The following DOCK4 variants were observed in gnomAD, a reference collection of about 807,000 sequenced individuals.
The protein encoded by DOCK4 is dedicator of cytokinesis 4.
Under a neutral mutation model 268.1 loss-of-function variants are expected in DOCK4, and 97 were observed. That is an observed-to-expected ratio of 0.36 (90% confidence interval 0.31 to 0.43). DOCK4 has a LOEUF of 0.43. DOCK4 is among the 20% of genes least tolerant of loss of function. The pLI is 1.00. For missense variants in DOCK4, 2,145 were observed against 2,455.7 expected (o/e 0.87, Z 2.67); for synonymous variants, 954 against 887.2 (o/e 1.08, Z -1.34).
intron 12 of DOCK4, among the ~76,000 whole-genome samples, chr7:111,919,192 A>C (rs1022235032): frequency 6.6e-6 from 1 of 152,238 alleles, no homozygotes; most frequent in African/African-American, 2.4e-5. Flanking sequence ...ACAGAGGATA[A>C]GACAAGGATA....
chr7:111,775,343 G>C (rs1798376854), intron 36 of DOCK4, among the ~76,000 whole-genome samples: 1 of 152,156 alleles, frequency 6.6e-6, no homozygotes, highest in Non-Finnish European at 1.5e-5. Flanking sequence ...ATGTGGCAAA[G>C]GACCAAGATT....
chr7:112,182,970 G>A (rs1819188762), intron 1 of DOCK4, among the ~76,000 whole-genome samples: 2 of 152,226 alleles, frequency 1.3e-5, no homozygotes, highest in African/African-American at 4.8e-5. Flanking sequence ...GCTTCCAGCT[G>A]CCACTTGCTC....
chr7:111,789,028 C>T (rs1023151238), intron 31 of DOCK4: 9 of 438,918 alleles, frequency 2.1e-5, no homozygotes, highest in African/African-American at 9.8e-5. Flanking sequence ...CCAGTTTAAA[C>T]GTTTGAATTC....
chr7:112,000,890 C>T (rs1800368621), intron 2 of DOCK4, among the ~76,000 whole-genome samples: 1 of 152,142 alleles, frequency 6.6e-6, no homozygotes, highest in Non-Finnish European at 1.5e-5. Context: ...CCACTTCTTC[C>T]CATTTTATGA....
intron 32 of DOCK4, among the ~76,000 whole-genome samples, chr7:111,787,237 T>C (rs991667020): frequency 2.6e-5 from 4 of 152,188 alleles, no homozygotes; most frequent in South Asian, 4.1e-4. Context: ...AAGAGATTCA[T>C]TTCACTGAGT....
At chr7:112,133,443 C>T (rs1463365741) in intron 1 of DOCK4, among the ~76,000 whole-genome samples, 1 of 152,170 alleles carries the variant, frequency 6.6e-6, no homozygotes, top group Non-Finnish European at 1.5e-5. Flanking sequence ...TATAAAAAGG[C>T]TGCTTGGCCC....
chr7:112,161,809 G>A (rs1432149298), intron 1 of DOCK4, among the ~76,000 whole-genome samples: 1 of 152,134 alleles, frequency 6.6e-6, no homozygotes, highest in African/African-American at 2.4e-5. Context: ...AACAAAACTG[G>A]AGAACCTTTA....
chr7:111,798,693 G>C (rs114697431), intron 30 of DOCK4, among the ~76,000 whole-genome samples: 2,083 of 152,254 alleles, frequency 0.014, 49 homozygotes, highest in African/African-American at 0.046. Flanking sequence ...TACAAAAGGA[G>C]GATAAGCAGT....
At position 111,728,182 on chromosome 7, in the gene DOCK4, G is replaced by A. The variant is rs1340005606; in HGVS notation, c.*92C>T. On this transcript the variant is annotated 3_prime_UTR_variant, in exon 53 of 53. Transcript: ENST00000428084. ...TCCATTCATCGAAGGAGCTGAGTAA[G>A]TTATTAAAGTGCCTACACTAAATGT... 6.3e-6 allele frequency: 6 copies of A among 956,770 alleles called. No individual in the cohort carries two copies. The highest frequency in any genetic ancestry group is 7.0e-6 in the Non-Finnish European group (5 of 711,490). 59.3% of individuals were successfully genotyped at this position (956,770 alleles called of 1,614,324 possible).
At chr7:111,994,338 C>A in intron 4 of DOCK4, 107 bp from the exon 5 acceptor site, 1 of 604,440 alleles carries the variant, frequency 1.7e-6, no homozygotes, top group East Asian at 2.9e-5. Flanking sequence ...AGCTATTGTT[C>A]GTTCTACAGA....
intron 1 of DOCK4, among the ~76,000 whole-genome samples, chr7:112,102,499 A>G (rs559105499): frequency 3.3e-5 from 5 of 152,324 alleles, no homozygotes; most frequent in Admixed American, 3.3e-4. Context: ...AGATAGTATT[A>G]TGAGGTGGGG....
intron 12 of DOCK4, among the ~76,000 whole-genome samples, chr7:111,930,790 A>T (rs1222266783): frequency 6.6e-6 from 1 of 152,222 alleles, no homozygotes; most frequent in African/African-American, 2.4e-5. Context: ...TGGAATCCCT[A>T]TCTGCTGGCC....
At chr7:112,151,803 T>C (rs904424010) in intron 1 of DOCK4, among the ~76,000 whole-genome samples, 3 of 148,674 alleles carry the variant, frequency 2.0e-5, no homozygotes, top group Admixed American at 2.0e-4. Flanking sequence ...AAGATTAATA[T>C]GACCCAACCA....
At chr7:111,769,739 T>C in intron 36 of DOCK4, 62 bp from the exon 37 acceptor site, 1 of 1,551,612 alleles carries the variant, frequency 6.4e-7, no homozygotes. Flanking sequence ...CCCTCAAATG[T>C]GGCCAGTTTC....
At chr7:111,982,914 T>C (rs1348102622) in intron 7 of DOCK4, among the ~76,000 whole-genome samples, 3 of 152,212 alleles carry the variant, frequency 2.0e-5, no homozygotes, top group African/African-American at 7.2e-5. Flanking sequence ...ACAGACAAAC[T>C]ATACGGATTA....
intron 52 of DOCK4, among the ~76,000 whole-genome samples, chr7:111,730,095 C>T (rs533085426): frequency 5.9e-5 from 9 of 152,258 alleles, no homozygotes; most frequent in African/African-American, 1.2e-4. Flanking sequence ...GGACTACACC[C>T]GGCCTCCTTC....
rs560309533 is a variant in DOCK4 at position 112,147,062 on chromosome 7, G to T, written c.37+59040C>A. 8.4e-4 allele frequency among the ~76,000 whole-genome samples: 127 copies of T among 151,918 alleles called. 1 individual carries two copies. In the South Asian group the frequency reaches 0.026, roughly 31 times the overall value. ...CAGGACTCCTAGTAATATATACTAG[G>T]GAACACTTTGTTATATTAATCCAGA... On this transcript the variant is annotated intron_variant, in intron 1 of 52. Transcript: ENST00000428084.
intron 1 of DOCK4, among the ~76,000 whole-genome samples, chr7:112,101,796 C>A (rs1191548476): frequency 1.3e-5 from 2 of 151,928 alleles, no homozygotes; most frequent in African/African-American, 4.8e-5. Flanking sequence ...CCTTATCCTC[C>A]ACCCATCATT....
rs1708796437 is a variant in DOCK4 at position 112,188,483 on chromosome 7, C to A, written c.37+17619G>T. On this transcript the variant is annotated intron_variant, in intron 1 of 52. Transcript: ENST00000428084. ...TTCATAAGATAAACTGGAGTTAACC[C>A]TTTCAACTAGGTACTTTAGAATGAT... Among the ~76,000 whole-genome samples the A allele has an allele frequency of 4.6e-5, 7 of 152,194 alleles. 1 individual carries two copies.
Sources: gnomAD v4.1 joint callset for allele counts (sites outside exome capture counted in the v4.1 genomes callset) on GRCh38, gnomAD v4.1.1 for gene constraint, MANE v1.5 for transcripts, NCBI Gene and HGNC (gene_info 2026-07-23, HGNC 2026-07-21) for gene names.